Variants in CDH13 observed in about 807,000 individuals in gnomAD.
CDH13 encodes the protein cadherin 13.
Under a neutral mutation model 63.8 loss-of-function variants are expected in CDH13, and 24 were observed. The ratio of observed to expected loss-of-function variants is 0.38; its 90% CI spans 0.27 to 0.53. The LOEUF (loss-of-function observed/expected upper bound fraction) is 0.53, where lower values mean the gene tolerates loss of function less well. Among genes scored for constraint, CDH13 ranks in the 20% least tolerant of loss-of-function variants. The probability of loss-of-function intolerance (pLI) is 0.85; values close to 1 mark genes in which losing one functional copy is unlikely to be tolerated. For missense variants in CDH13, 1,049 were observed against 903.1 expected (o/e 1.16, Z -2.07); for synonymous variants, 503 against 355.3 (o/e 1.42, Z -4.67).
At chr16:83,315,377 A>G (rs932070132) in intron 5 of CDH13, among the ~76,000 whole-genome samples, 4 of 152,184 alleles carry the variant, frequency 2.6e-5, no homozygotes, top group African/African-American at 9.6e-5. Flanking sequence ...AAACAAACAA[A>G]TGCTAAACAG....
chr16:83,243,481 G>A (rs1387378725), intron 5 of CDH13, among the ~76,000 whole-genome samples: 1 of 152,010 alleles, frequency 6.6e-6, no homozygotes, highest in Non-Finnish European at 1.5e-5. Context: ...CTCTCACCTG[G>A]TCTCTCCCAC....
At chr16:82,902,537 C>G (rs189992677) in intron 2 of CDH13, among the ~76,000 whole-genome samples, 1 of 152,054 alleles carries the variant, frequency 6.6e-6, no homozygotes, top group African/African-American at 2.4e-5. Context: ...TTTCTTTCCT[C>G]GGGATTTATT....
In CDH13 at chr16:83,680,111, G is replaced by A. The variant is rs375060273; in HGVS notation, c.1538+1650G>A. On this transcript the variant is annotated intron_variant, in intron 10 of 13. Transcript: ENST00000567109. ...CGATGGAGGAATATCTGAAGAACCC[G>A]CTCGAGATAGCACAGGAGCTAGGGC... Among the ~76,000 whole-genome samples the A allele has an allele frequency of 4.6e-4, 70 of 152,328 alleles. 1 individual carries two copies. In the South Asian group the frequency reaches 0.014, roughly 31 times the overall value.
rs142447381 is a variant in CDH13 at position 82,633,023 on chromosome 16, C to T, written c.45+5886C>T. ...GATCTGACAGGAGGCAGAGCCCAGGCGGTAATGCGAGTGCTGGGGGGCCAT... is the reference window on the plus strand; with the variant it reads ...GATCTGACAGGAGGCAGAGCCCAGGTGGTAATGCGAGTGCTGGGGGGCCAT... On this transcript the variant is annotated intron_variant, in intron 1 of 13. Transcript: ENST00000567109. Among the ~76,000 whole-genome samples, 33 of 152,208 alleles carry T rather than the reference C, an allele frequency of 2.2e-4. No homozygotes were observed. The South Asian group carries it at 3.3e-3, about 15-fold the overall frequency.
At chr16:83,773,521 A>G (rs1189376879) in intron 11 of CDH13, among the ~76,000 whole-genome samples, 1 of 152,048 alleles carries the variant, frequency 6.6e-6, no homozygotes, top group African/African-American at 2.4e-5. Flanking sequence ...ATCTCATGAG[A>G]ACTCACTCAC....
At chr16:83,690,459 G>A (rs796575324) in intron 10 of CDH13, among the ~76,000 whole-genome samples, 10 of 152,280 alleles carry the variant, frequency 6.6e-5, no homozygotes, top group South Asian at 4.2e-4. Context: ...GGAAGGCCCC[G>A]AGGCAGAGTG....
rs77845640 is a variant in CDH13, at chr16:83,584,566, A to G, written c.961-17888A>G. On this transcript the variant is annotated intron_variant, in intron 7 of 13. Coordinates refer to ENST00000567109, the MANE Select transcript of CDH13 (RefSeq NM_001257.5). ...ACTTGGCTGCGTCTGAATGTAGAGA[A>G]TTGCATTCTGGGCAAAGGGAACAGC... 3.8e-3 allele frequency among the ~76,000 whole-genome samples: 576 copies of G among 152,284 alleles called. 3 individuals carry two copies. Among genetic ancestry groups the G allele is most frequent in the African/African-American group, 0.013 (542 of 41,566 alleles).
In CDH13 at chr16:83,217,495, CA is replaced by C; in HGVS notation, c.636del (p.Gln212HisfsTer24). On this transcript the variant is annotated frameshift_variant and splice_region_variant, in exon 5 of 14. Transcript: ENST00000567109. LOFTEE classifies it high-confidence loss of function. The stretch of plus-strand genomic sequence containing the variant: ...GGACAGAGAAGTAATCGCTGTTTAT[CA>C]AGTGAGTACCCCTCTCCCATGCCCA... The part of the protein sequence containing the change: ...TLDREVIAVY[Q>X]LFVETTDVNG... 6.2e-7 allele frequency: 1 copy of C among 1,613,008 alleles called. No individual in the cohort carries two copies. Among genetic ancestry groups the C allele is most frequent in the Non-Finnish European group, 8.5e-7 (1 of 1,179,206 alleles).
At chr16:83,030,928 A>G (rs986157450) in intron 2 of CDH13, among the ~76,000 whole-genome samples, 9 of 151,862 alleles carry the variant, frequency 5.9e-5, no homozygotes, top group African/African-American at 2.2e-4. Context: ...CTAAAAACAT[A>G]TGGACTATTC....
At chr16:83,756,084 T>G (rs914736328) in intron 11 of CDH13, among the ~76,000 whole-genome samples, 1 of 152,162 alleles carries the variant, frequency 6.6e-6, no homozygotes, top group African/African-American at 2.4e-5. Context: ...ATCTATATTG[T>G]ATAACCCTTA....
intron 6 of CDH13, among the ~76,000 whole-genome samples, chr16:83,446,495 C>T (rs977039482): frequency 6.6e-6 from 1 of 152,078 alleles, no homozygotes; most frequent in Admixed American, 6.6e-5. Context: ...AAATTATTCC[C>T]AGCCGCAGAG....
At chr16:82,839,091 C>T (rs902312767) in intron 1 of CDH13, among the ~76,000 whole-genome samples, 2 of 152,140 alleles carry the variant, frequency 1.3e-5, no homozygotes, top group African/African-American at 4.8e-5. Context: ...AGATGTGGCC[C>T]GTGGGCTTTG....
intron 5 of CDH13, among the ~76,000 whole-genome samples, chr16:83,300,550 C>G (rs551032612): frequency 1.6e-3 from 237 of 152,300 alleles, no homozygotes; most frequent in Non-Finnish European, 2.7e-3. Flanking sequence ...GTTCAACAAA[C>G]GTATACAAAC....
intron 7 of CDH13, among the ~76,000 whole-genome samples, chr16:83,568,867 T>A (rs189021268): frequency 6.6e-6 from 1 of 152,160 alleles, no homozygotes; most frequent in Non-Finnish European, 1.5e-5. Context: ...TTCCAGCTCC[T>A]GCCTCTCTTT....
chr16:83,401,264 A>G (rs984078196), intron 6 of CDH13, among the ~76,000 whole-genome samples: 1 of 151,818 alleles, frequency 6.6e-6, no homozygotes, highest in Non-Finnish European at 1.5e-5. Flanking sequence ...GCTTGAACCC[A>G]GGAGGCAGAG....
intron 2 of CDH13, among the ~76,000 whole-genome samples, chr16:82,897,337 G>A (rs1413391442): frequency 1.3e-5 from 2 of 151,976 alleles, no homozygotes; most frequent in African/African-American, 4.8e-5. Flanking sequence ...CATTTCCATG[G>A]CCACCACAGA....
At chr16:83,065,502 C>G (rs943615573) in intron 3 of CDH13, among the ~76,000 whole-genome samples, 10 of 152,022 alleles carry the variant, frequency 6.6e-5, no homozygotes, top group African/African-American at 2.4e-4. Flanking sequence ...ATCAGGAGTT[C>G]AAAACCAGCC....
At chr16:83,469,524 C>G (rs1016268750) in intron 6 of CDH13, among the ~76,000 whole-genome samples, 1 of 152,178 alleles carries the variant, frequency 6.6e-6, no homozygotes, top group Admixed American at 6.5e-5. Context: ...ACCTTACATC[C>G]ACGGTGAGCC....
At chr16:82,858,329 C>T (rs2039787189) in intron 1 of CDH13, 33 bp from the exon 2 acceptor site, 1 of 1,415,636 alleles carries the variant, frequency 7.1e-7, no homozygotes, top group Non-Finnish European at 1.0e-6. Flanking sequence ...ACATAAGCCG[C>T]TATTAAAATA....
Sources: allele counts gnomAD v4.1 joint callset (sites outside exome capture counted in the v4.1 genomes callset), GRCh38; gene constraint gnomAD v4.1.1; transcripts MANE v1.5; gene names NCBI Gene and HGNC (gene_info 2026-07-23, HGNC 2026-07-21).